The following ZNF669 variants were observed in gnomAD, a reference collection of about 807,000 sequenced individuals.
The protein encoded by ZNF669 is zinc finger protein 669.
Under a neutral mutation model 11.4 loss-of-function variants are expected in ZNF669, and 7 were observed. The observed-to-expected ratio is 0.62, with a 90% CI of 0.35 to 1.16. ZNF669 has a LOEUF of 1.16. ZNF669 is among the 50% of genes most tolerant of loss of function. The pLI is 0.02. For synonymous variants in ZNF669, 153 were observed against 155.8 expected, an observed-to-expected ratio of 0.98 and a Z score of 0.13; for missense variants, 492 against 463.6, an observed-to-expected ratio of 1.06 and a Z score of -0.56.
chr1:247,100,228 C>T lies in ZNF669; in HGVS notation c.*146G>A. ...CTCGATCTCCTGACCTCGTGATCCACCCGCCTCGGCCTCCCAAAGTGCTGG... is the reference window on the plus strand; with the variant it reads ...CTCGATCTCCTGACCTCGTGATCCATCCGCCTCGGCCTCCCAAAGTGCTGG... On this transcript the variant is annotated 3_prime_UTR_variant, in exon 4 of 4. Coordinates refer to ENST00000448299, the MANE Select transcript of ZNF669 (RefSeq NM_001142572.2). The T allele has an allele frequency of 8.4e-6, 5 of 597,606 alleles. No individual in the cohort carries two copies. Among genetic ancestry groups the T allele is most frequent in the Non-Finnish European group, 1.5e-5 (5 of 343,070 alleles). 37.0% of individuals were successfully genotyped at this position (597,606 alleles called of 1,614,324 possible). A position where few individuals can be genotyped will look rare whatever the true frequency, so the allele number is the denominator to read the frequency against.
chr1:247,102,590 G>A lies in ZNF669; in HGVS notation c.4-477C>T, dbSNP rs1671746250. Reference sequence around the variant, plus strand: ...AAGAATGACTCACTGCATCTAAATGGTTTATGCAATATAGTTGCCAAAACT... The same window carrying A: ...AAGAATGACTCACTGCATCTAAATGATTTATGCAATATAGTTGCCAAAACT... On this transcript the variant is annotated intron_variant, in intron 1 of 3. Transcript: ENST00000448299. Among the ~76,000 whole-genome samples the A allele has an allele frequency of 2.0e-5, 3 of 152,308 alleles. No homozygotes were observed. In the South Asian group the frequency reaches 6.2e-4, roughly 32 times the overall value.
Position 247,104,253 on chromosome 1 carries a change from G to C in ZNF669, c.-54C>G, listed in dbSNP as rs540616747. On this transcript the variant is annotated 5_prime_UTR_variant, in exon 1 of 4. Coordinates refer to ENST00000448299, the MANE Select transcript of ZNF669 (RefSeq NM_001142572.2). ...AGCTAGGGATGTCCCAATACTCGCA[G>C]GTCACAGGGTGGCAGAGGCTGCTGC... The C allele has an allele frequency of 3.4e-6, 5 of 1,483,800 alleles. No individual in the cohort carries two copies. The African/African-American group carries it at 7.2e-5, about 21-fold the overall frequency. 91.9% of individuals were successfully genotyped at this position (1,483,800 alleles called of 1,614,324 possible).
intron 1 of ZNF669, chr1:247,103,977 G>T (rs755318003): frequency 1.2e-6 from 2 of 1,603,820 alleles, no homozygotes; most frequent in East Asian, 4.5e-5. Context: ...CAGGGCTCCG[G>T]CCGGCGGAAG....
Position 247,100,821 on chromosome 1 carries a change from T to C in ZNF669, c.690A>G (p.Arg230=). ...YECKECGKTF[R]FSCSFKTHER... is the part of the protein sequence containing the mutation. ...CATGCGTCTTAAAAGAACAAGAAAA[T>C]CTGAATGTTTTCCCACATTCCTTAC... The change falls in exon 4 of 4, where the codon AGA becomes AGG. Residue 230 remains arginine (R), a synonymous_variant. Coordinates refer to ENST00000448299, the MANE Select transcript of ZNF669 (RefSeq NM_001142572.2). 1 of 1,613,858 alleles carries C rather than the reference T, an allele frequency of 6.2e-7. No individual in the cohort carries two copies. The highest frequency in any genetic ancestry group is 1.1e-5 in the South Asian group (1 of 91,032).
In ZNF669 at chr1:247,100,265, T is replaced by C. The variant is rs1053604628; in HGVS notation, c.*109A>G. 1.6e-5 allele frequency: 12 copies of C among 733,736 alleles called. No individual in the cohort carries two copies. The highest frequency in any genetic ancestry group is 2.0e-5 in the Non-Finnish European group (9 of 458,748). 45.5% of individuals were successfully genotyped at this position (733,736 alleles called of 1,614,324 possible). A position where few individuals can be genotyped will look rare whatever the true frequency, so the allele number is the denominator to read the frequency against. ...TCCCAAAGTGCTGGGATTACAGGCG[T>C]AAGCCACCGTGCCCGGCATTATTTT... On this transcript the variant is annotated 3_prime_UTR_variant, in exon 4 of 4. Transcript: ENST00000448299.
chr1:247,103,619 G>A (rs1397786474), intron 1 of ZNF669, among the ~76,000 whole-genome samples: 1 of 128,974 alleles, frequency 7.8e-6, no homozygotes, highest in Non-Finnish European at 1.6e-5. Flanking sequence ...GCGACAGGGC[G>A]AGATTCCGTC....
intron 1 of ZNF669, 85 bp from the exon 2 acceptor site, chr1:247,102,198 T>C (rs1671739796): frequency 1.4e-6 from 2 of 1,464,642 alleles, no homozygotes; most frequent in Non-Finnish European, 9.2e-7. Context: ...GCTGTTTACA[T>C]GATTTGATAA....
chr1:247,103,959 G>C, intron 1 of ZNF669: 1 of 1,603,658 alleles, frequency 6.2e-7, no homozygotes, highest in South Asian at 1.1e-5. Context: ...GAGGCGAGGG[G>C]TTCCCGACAG....
In ZNF669 at chr1:247,100,756, T is replaced by G. The variant is rs750075526; in HGVS notation, c.755A>C (p.Lys252Thr). 18 of 1,613,998 alleles carry G rather than the reference T, an allele frequency of 1.1e-5. No homozygotes were observed. In the African/African-American group the frequency reaches 2.3e-4, roughly 20 times the overall value. The change falls in exon 4 of 4, where the codon AAA becomes ACA. Residue 252 changes from lysine to threonine, a missense_variant. By Grantham distance (78) the Lys-to-Thr change is moderately conservative. Coordinates refer to ENST00000448299, the MANE Select transcript of ZNF669 (RefSeq NM_001142572.2). ...HTGERPYKCTKCDKAFSCSTS... is the reference protein window; with the variant it reads ...HTGERPYKCTTCDKAFSCSTS... Reference sequence around the variant, plus strand: ...GGAACAGCTGAAGGCTTTATCACATTTGGTACATTTATAGGGTCTTTCTCC... The same window carrying G: ...GGAACAGCTGAAGGCTTTATCACATGTGGTACATTTATAGGGTCTTTCTCC...
intron 3 of ZNF669, among the ~76,000 whole-genome samples, chr1:247,101,528 C>T (rs1300886833): frequency 3.9e-5 from 6 of 152,034 alleles, no homozygotes; most frequent in Non-Finnish European, 8.8e-5. Context: ...TATTCATATA[C>T]ACAGTTTTGT....
At chr1:247,104,092 G>A (rs1312052036) in intron 1 of ZNF669, 105 bp downstream of exon 1, 2 of 1,593,758 alleles carry the variant, frequency 1.3e-6, no homozygotes, top group Non-Finnish European at 1.7e-6. Context: ...ACGGCGACTC[G>A]GTCCGCAGGT....
chr1:247,102,538 G>GA (rs1353561133), intron 1 of ZNF669, among the ~76,000 whole-genome samples: 1 of 152,230 alleles, frequency 6.6e-6, no homozygotes, highest in Non-Finnish European at 1.5e-5. Context: ...CTTACATTTT[G>GA]AAAGGGATTC....
Position 247,100,253 on chromosome 1 carries a change from G to A in ZNF669, c.*121C>T. On this transcript the variant is annotated 3_prime_UTR_variant, in exon 4 of 4. Coordinates refer to ENST00000448299, the MANE Select transcript of ZNF669 (RefSeq NM_001142572.2). Reference sequence around the variant, plus strand: ...CCCGCCTCGGCCTCCCAAAGTGCTGGGATTACAGGCGTAAGCCACCGTGCC... The same window carrying A: ...CCCGCCTCGGCCTCCCAAAGTGCTGAGATTACAGGCGTAAGCCACCGTGCC... 3 of 667,880 alleles carry A rather than the reference G, an allele frequency of 4.5e-6. No homozygotes were observed. The highest frequency in any genetic ancestry group is 1.8e-5 in the African/African-American group (1 of 55,198). The allele number at this position is 667,880 out of a possible 1,614,324, so 41.4% of individuals were successfully genotyped here.
chr1:247,104,246 A>T lies in ZNF669; in HGVS notation c.-47T>A. 2 of 1,491,848 alleles carry T rather than the reference A, an allele frequency of 1.3e-6. No individual in the cohort carries two copies. The highest frequency in any genetic ancestry group is 1.8e-6 in the Non-Finnish European group (2 of 1,122,588). The allele number at this position is 1,491,848 out of a possible 1,614,324, so 92.4% of individuals were successfully genotyped here. On this transcript the variant is annotated 5_prime_UTR_variant, in exon 1 of 4. Coordinates refer to ENST00000448299, the MANE Select transcript of ZNF669 (RefSeq NM_001142572.2). The stretch of plus-strand genomic sequence containing the variant: ...TGGCGTCAGCTAGGGATGTCCCAAT[A>T]CTCGCAGGTCACAGGGTGGCAGAGG...
Position 247,101,867 on chromosome 1 carries a change from A to C in ZNF669, c.131-76T>G. 14 of 1,590,644 alleles carry C rather than the reference A, an allele frequency of 8.8e-6. No individual in the cohort carries two copies. In the South Asian group the frequency reaches 1.5e-4, roughly 18 times the overall value. The stretch of plus-strand genomic sequence containing the variant: ...CATTACTAGATTTAATGTTCACTGT[A>C]CACAGTGCCCATGCCTGATTTATTC... On this transcript the variant is annotated intron_variant, in intron 2 of 3. Transcript: ENST00000448299.
chr1:247,104,062 G>C, intron 1 of ZNF669, 135 bp downstream of exon 1: 2 of 1,583,030 alleles, frequency 1.3e-6, no homozygotes, highest in Non-Finnish European at 1.7e-6. Flanking sequence ...AACAGAAGAG[G>C]ACTGAGCCCC....
chr1:247,101,819 T>G (rs1354973282), intron 2 of ZNF669, 28 bp from the exon 3 acceptor site: 1 of 1,612,280 alleles, frequency 6.2e-7, no homozygotes, highest in South Asian at 1.1e-5. Context: ...AAAATTATCA[T>G]GAATTATTAC....
In ZNF669 at chr1:247,104,335, C is replaced by G; in HGVS notation, c.-136G>C. ...TAGCAGCGGAGACTAACAGGAAGAG[C>G]CGGCTCCGGCGAAGGAGAGACAAAG... On this transcript the variant is annotated 5_prime_UTR_variant, in exon 1 of 4. Coordinates refer to ENST00000448299, the MANE Select transcript of ZNF669 (RefSeq NM_001142572.2). The G allele has an allele frequency of 3.2e-6, 4 of 1,236,498 alleles. No individual in the cohort carries two copies. The highest frequency in any genetic ancestry group is 2.1e-6 in the Non-Finnish European group (2 of 942,876). 76.6% of individuals were successfully genotyped at this position (1,236,498 alleles called of 1,614,324 possible). A position where few individuals can be genotyped will look rare whatever the true frequency, so the allele number is the denominator to read the frequency against.
Position 247,101,038 on chromosome 1 carries a change from T to C in ZNF669, c.473A>G (p.His158Arg), listed in dbSNP as rs1277153162. The change falls in exon 4 of 4, where the codon CAC becomes CGC. Residue 158 changes from histidine to arginine, a missense_variant. His to Arg is a conservative substitution (Grantham distance 29). Transcript: ENST00000448299. Reference protein sequence around the residue: ...VPGVRRHMIMHSGNPAYKCTI... With the variant: ...VPGVRRHMIMRSGNPAYKCTI... ...ACATTTATAAGCTGGATTTCCACTG[T>C]GCATTATCATGTGTCTTCTAACACC... 1 of 1,613,926 alleles carries C rather than the reference T, an allele frequency of 6.2e-7. No homozygotes were observed. The highest frequency in any genetic ancestry group is 2.2e-5 in the East Asian group (1 of 44,872).
Sources: gnomAD v4.1 joint callset for allele counts (sites outside exome capture counted in the v4.1 genomes callset) on GRCh38, gnomAD v4.1.1 for gene constraint, MANE v1.5 for transcripts, NCBI Gene and HGNC (gene_info 2026-07-23, HGNC 2026-07-21) for gene names.